INTS8: variants seen among roughly 807,000 people sequenced by gnomAD.
The protein encoded by INTS8 is integrator complex subunit 8.
INTS8 carries 47 observed loss-of-function variants against 138.9 expected under a neutral mutation model. The observed-to-expected ratio is 0.34, with a 90% CI of 0.27 to 0.43. INTS8 has a LOEUF of 0.43. Ranked by LOEUF, INTS8 falls within the 20% of genes least tolerant of loss-of-function variation. The pLI is 1.00. For missense variants in INTS8, 996 were observed against 1,173.0 expected (o/e 0.85, Z 2.20); for synonymous variants, 392 against 400.9 (o/e 0.98, Z 0.27).
chr8:94,858,945 A>G (rs968203255), intron 15 of INTS8, among the ~76,000 whole-genome samples: 2 of 152,146 alleles, frequency 1.3e-5, no homozygotes, highest in African/African-American at 4.8e-5. Flanking sequence ...AACTTGTCCT[A>G]TAGCTTATGC....
intron 16 of INTS8, among the ~76,000 whole-genome samples, chr8:94,860,504 C>T (rs1227299455): frequency 2.1e-5 from 3 of 142,310 alleles, no homozygotes; most frequent in African/African-American, 7.9e-5. Context: ...CGCTTGAACC[C>T]GGGAGGCAGA....
Position 94,841,529 on chromosome 8 carries a change from G to A in INTS8, c.1056G>A (p.Leu352=). Residue 352 remains leucine (L), a synonymous_variant, in exon 9 of 27, where the codon TTG becomes TTA. Transcript: ENST00000523731. ...TTTTCATTGAAGACAACTTAACCTT[G>A]AGTTTACCTGTCCAGTTCCGACAGT... The part of the protein sequence containing the change: ...IQIFIEDNLT[L]SLPVQFRQSV... 1 of 1,608,818 alleles carries A rather than the reference G, an allele frequency of 6.2e-7. No homozygotes were observed.
intron 5 of INTS8, among the ~76,000 whole-genome samples, chr8:94,830,465 A>G (rs1268617348): frequency 2.0e-5 from 3 of 152,190 alleles, no homozygotes; most frequent in African/African-American, 7.2e-5. Flanking sequence ...ATTGAAGTAT[A>G]CAGATATTTC....
At chr8:94,841,736 A>G in intron 9 of INTS8, 145 bp downstream of exon 9, 2 of 554,162 alleles carry the variant, frequency 3.6e-6, no homozygotes, top group Non-Finnish European at 6.4e-6. Flanking sequence ...CATAGGGTGG[A>G]GGAACACTCT....
intron 6 of INTS8, among the ~76,000 whole-genome samples, chr8:94,832,577 C>T (rs1014098329): frequency 8.5e-5 from 13 of 152,064 alleles, no homozygotes; most frequent in African/African-American, 3.1e-4. Flanking sequence ...CTTAAGTTTG[C>T]CCTCTTTCTA....
In INTS8 at chr8:94,867,088, TTAAA is replaced by T. The variant is rs1332013200; in HGVS notation, c.2296-45_2296-42del. ...GTCTGTGAGGTTGACAGGAGCAATA[TTAAA>T]TAAATATACATACACTGTTTAAGGA... On this transcript the variant is annotated intron_variant, in intron 18 of 26. Coordinates refer to ENST00000523731, the MANE Select transcript of INTS8 (RefSeq NM_017864.4). 49 of 1,345,488 alleles carry T rather than the reference TTAAA, an allele frequency of 3.6e-5. No individual in the cohort carries two copies. The South Asian group carries it at 5.8e-4, about 16-fold the overall frequency. 83.3% of individuals were successfully genotyped at this position (1,345,488 alleles called of 1,614,324 possible).
chr8:94,829,540 C>T (rs1814635738), intron 5 of INTS8, among the ~76,000 whole-genome samples: 1 of 152,192 alleles, frequency 6.6e-6, no homozygotes. Context: ...TCACCCGCTG[C>T]TCACTTCCTG....
intron 16 of INTS8, among the ~76,000 whole-genome samples, chr8:94,861,853 GC>G (rs1235379323): frequency 6.7e-6 from 1 of 149,288 alleles, no homozygotes; most frequent in Non-Finnish European, 1.5e-5. Flanking sequence ...GCCCGGCCCG[GC>G]CCTTTTTGTT....
intron 9 of INTS8, 65 bp downstream of exon 9, chr8:94,841,656 A>C: frequency 1.2e-6 from 1 of 818,970 alleles, no homozygotes; most frequent in Non-Finnish European, 2.0e-6. Flanking sequence ...CTGGTTTATC[A>C]AAACCACATT....
At chr8:94,861,256 ATTTTTTTTT>A (rs1210530804) in intron 16 of INTS8, among the ~76,000 whole-genome samples, 12 of 57,378 alleles carry the variant, frequency 2.1e-4, no homozygotes, top group Non-Finnish European at 2.7e-4. Context: ...CCTTTTTGTA[ATTTTTTTTT>A]TTTTTTTTTT....
Position 94,827,795 on chromosome 8 carries a change from T to G in INTS8, c.518+2T>G. 6.2e-7 allele frequency: 1 copy of G among 1,612,396 alleles called. No homozygotes were observed. The highest frequency in any genetic ancestry group is 8.5e-7 in the Non-Finnish European group (1 of 1,178,448). On this transcript the variant is annotated splice_donor_variant, in intron 4 of 26. Coordinates refer to ENST00000523731, the MANE Select transcript of INTS8 (RefSeq NM_017864.4). LOFTEE classifies it high-confidence loss of function. The stretch of plus-strand genomic sequence containing the variant: ...ACCCGGACCCCCTCAGTTAAGTGTG[T>G]AAGTTGGTGGCTATGACCTTTACTT...
At chr8:94,824,766 CAAAA>C (rs201131859) in intron 1 of INTS8, 123 bp from the exon 2 acceptor site, 16 of 334,736 alleles carry the variant, frequency 4.8e-5, no homozygotes, top group Admixed American at 2.4e-4. Context: ...CCTTTTGTGG[CAAAA>C]AAAAAACCCA....
intron 20 of INTS8, among the ~76,000 whole-genome samples, chr8:94,869,960 G>T (rs1434437747): frequency 6.6e-6 from 1 of 152,132 alleles, no homozygotes; most frequent in Non-Finnish European, 1.5e-5. Context: ...AGAGGTATAT[G>T]ACCTTCAATA....
Position 94,849,534 on chromosome 8 carries a change from TA to T in INTS8, c.1331+4del. On this transcript the variant is annotated splice_donor_region_variant and intron_variant, in intron 11 of 26. Transcript: ENST00000523731. ...AGGAAACATGGCTGCTTTTCTAAAG[TA>T]AGTACCTTTCTTTTCTTTTTTCTTT... The T allele has an allele frequency of 6.6e-7, 1 of 1,510,568 alleles. No individual in the cohort carries two copies. Among genetic ancestry groups the T allele is most frequent in the Non-Finnish European group, 9.0e-7 (1 of 1,108,556 alleles). 93.6% of individuals were successfully genotyped at this position (1,510,568 alleles called of 1,614,324 possible).
intron 10 of INTS8, among the ~76,000 whole-genome samples, chr8:94,844,753 T>C (rs1815267974): frequency 7.9e-6 from 1 of 127,146 alleles, no homozygotes; most frequent in Admixed American, 7.8e-5. Context: ...TTAGTTTTTC[T>C]TTTTTTTTTT....
intron 15 of INTS8, 32 bp from the exon 16 acceptor site, chr8:94,859,479 T>A: frequency 6.2e-7 from 1 of 1,601,296 alleles, no homozygotes; most frequent in East Asian, 2.2e-5. Context: ...GTTGTGATGG[T>A]AATTCCAACT....
intron 16 of INTS8, among the ~76,000 whole-genome samples, chr8:94,861,559 C>A (rs1365983367): frequency 1.9e-4 from 29 of 149,878 alleles, no homozygotes; most frequent in South Asian, 1.9e-3. Context: ...TCGAGCCCGG[C>A]CCTTTTTTTT....
Position 94,880,423 on chromosome 8 carries a change from G to A in INTS8, c.*189G>A. ...TTCATACCGTAACAATAAATGTATA[G>A]TTTCTTCAAAGGGAGAAGAGATTCA... On this transcript the variant is annotated 3_prime_UTR_variant, in exon 27 of 27. Transcript: ENST00000523731. 2 of 373,104 alleles carry A rather than the reference G, an allele frequency of 5.4e-6. No homozygotes were observed. Among genetic ancestry groups the A allele is most frequent in the East Asian group, 8.6e-5 (2 of 23,246 alleles). 23.1% of individuals were successfully genotyped at this position (373,104 alleles called of 1,614,324 possible).
intron 20 of INTS8, among the ~76,000 whole-genome samples, chr8:94,868,262 A>G (rs1281440841): frequency 6.6e-6 from 1 of 152,102 alleles, no homozygotes; most frequent in African/African-American, 2.4e-5. Context: ...TTCCTCACAG[A>G]TGTTTTTCCT....
Sources: allele counts gnomAD v4.1 joint callset (sites outside exome capture counted in the v4.1 genomes callset), GRCh38; gene constraint gnomAD v4.1.1; transcripts MANE v1.5; gene names NCBI Gene and HGNC (gene_info 2026-07-23, HGNC 2026-07-21).